SPMIP7: variants seen among roughly 807,000 people sequenced by gnomAD.
The protein encoded by SPMIP7 is sperm microtubule inner protein 7.
the SPMIP7 span, chr7:50,096,685 A>C: frequency 7.1e-7 from 1 of 1,405,464 alleles, no homozygotes; most frequent in Non-Finnish European, 9.5e-7. Flanking sequence ...GCTCAAGGGA[A>C]GAGAGTATGG....
the SPMIP7 span, among the ~76,000 whole-genome samples, chr7:50,096,869 G>T: frequency 1.3e-5 from 2 of 152,112 alleles, no homozygotes; most frequent in Admixed American, 1.3e-4. Flanking sequence ...TTAACACAAA[G>T]TATATAACAT....
At chr7:50,144,795 A>G in the SPMIP7 span, among the ~76,000 whole-genome samples, 1 of 152,190 alleles carries the variant, frequency 6.6e-6, no homozygotes, top group African/African-American at 2.4e-5. Flanking sequence ...CATTGGGTTC[A>G]ACAAAAATTA....
the SPMIP7 span, among the ~76,000 whole-genome samples, chr7:50,122,048 A>T: frequency 6.6e-6 from 1 of 152,200 alleles, no homozygotes; most frequent in Non-Finnish European, 1.5e-5. Context: ...TGATTTAAAA[A>T]ATTCAAGTAA....
chr7:50,143,880 C>A, the SPMIP7 span, among the ~76,000 whole-genome samples: 7 of 152,284 alleles, frequency 4.6e-5, no homozygotes, highest in East Asian at 1.3e-3. Context: ...TATAACATTA[C>A]CACATAATTA....
the SPMIP7 span, chr7:50,151,692 G>GAAA: frequency 1.6e-6 from 1 of 617,406 alleles, no homozygotes; most frequent in Admixed American, 4.0e-5. Context: ...CATCAAGTCC[G>GAAA]AAACAGAAAA....
chr7:50,108,450 G>T, the SPMIP7 span, among the ~76,000 whole-genome samples: 1 of 152,226 alleles, frequency 6.6e-6, no homozygotes, highest in African/African-American at 2.4e-5. Flanking sequence ...GAAAAATCTA[G>T]ATTCCCCTGA....
the SPMIP7 span, chr7:50,140,203 T>C: frequency 5.5e-6 from 8 of 1,441,702 alleles, no homozygotes; most frequent in Non-Finnish European, 7.4e-6. Flanking sequence ...TTCTCAGTCT[T>C]GTAAAAAAAT....
At chr7:50,127,911 C>T in the SPMIP7 span, among the ~76,000 whole-genome samples, 1 of 151,832 alleles carries the variant, frequency 6.6e-6, no homozygotes, top group Non-Finnish European at 1.5e-5. Context: ...ATGGAGGTTC[C>T]TCAAAAACCT....
At chr7:50,125,263 CA>C in the SPMIP7 span, among the ~76,000 whole-genome samples, 1 of 91,038 alleles carries the variant, frequency 1.1e-5, no homozygotes, top group African/African-American at 4.1e-5. Context: ...TATATATACA[CA>C]CATATATATA....
chr7:50,141,209 A>T, the SPMIP7 span: 1 of 1,000,522 alleles, frequency 1.0e-6, no homozygotes, highest in African/African-American at 1.6e-5. Flanking sequence ...TGGAAGTTAG[A>T]ATACTGTTCA....
chr7:50,129,553 C>G, the SPMIP7 span, among the ~76,000 whole-genome samples: 1 of 151,856 alleles, frequency 6.6e-6, no homozygotes, highest in Non-Finnish European at 1.5e-5. Context: ...ATTCCTTAAA[C>G]AGGAGAGGAA....
the SPMIP7 span, chr7:50,096,588 G>A: frequency 1.3e-6 from 2 of 1,551,598 alleles, no homozygotes; most frequent in Non-Finnish European, 1.7e-6. Flanking sequence ...CAGAACAGGA[G>A]ATGGAATTCC....
At chr7:50,125,794 G>C in the SPMIP7 span, among the ~76,000 whole-genome samples, 1 of 152,064 alleles carries the variant, frequency 6.6e-6, no homozygotes, top group Admixed American at 6.6e-5. Flanking sequence ...TAGAAGCAAA[G>C]AGTAGAATGG....
At chr7:50,125,299 CAT>C in the SPMIP7 span, among the ~76,000 whole-genome samples, 1 of 44,298 alleles carries the variant, frequency 2.3e-5, no homozygotes, top group Non-Finnish European at 4.9e-5. Context: ...TATATATACA[CAT>C]ATATATACCC....
At chr7:50,107,125 G>A in the SPMIP7 span, among the ~76,000 whole-genome samples, 1 of 151,404 alleles carries the variant, frequency 6.6e-6, no homozygotes, top group East Asian at 1.9e-4. Flanking sequence ...GGAGGTCAAG[G>A]CAGGTGGATC....
chr7:50,125,247 TAC>T, the SPMIP7 span, among the ~76,000 whole-genome samples: 39 of 58,002 alleles, frequency 6.7e-4, 6 homozygotes, highest in African/African-American at 3.0e-3. Flanking sequence ...TACACATATA[TAC>T]ACATATATAT....
chr7:50,125,094 GTATATATATA>G, the SPMIP7 span, among the ~76,000 whole-genome samples: 6 of 73,820 alleles, frequency 8.1e-5, no homozygotes, highest in Admixed American at 1.5e-4. Flanking sequence ...GTGAGATTAA[GTATATATATA>G]TATATATATA....
chr7:50,134,325 C>A, the SPMIP7 span: 1 of 1,241,290 alleles, frequency 8.1e-7, no homozygotes, highest in Non-Finnish European at 1.1e-6. Flanking sequence ...CAAAATAATA[C>A]TTATTTTATT....
chr7:50,107,362 C>CAA, the SPMIP7 span, among the ~76,000 whole-genome samples: 73 of 16,606 alleles, frequency 4.4e-3, 3 homozygotes, highest in African/African-American at 0.015. Context: ...GACTCTGTCT[C>CAA]AAAAAAAAAA....
Sources: gnomAD v4.1 joint callset for allele counts (sites outside exome capture counted in the v4.1 genomes callset) on GRCh38, gnomAD v4.1.1 for gene constraint, MANE v1.5 for transcripts, NCBI Gene and HGNC (gene_info 2026-07-23, HGNC 2026-07-21) for gene names.